The following NKAIN2 variants were observed in gnomAD, a reference collection of about 807,000 sequenced individuals.
NKAIN2 encodes the protein sodium/potassium transporting ATPase interacting 2, also known as sodium/potassium-transporting ATPase subunit beta-1-interacting protein 2.
A neutral mutation model predicts 32.6 loss-of-function variants in NKAIN2; 14 were observed. That is an observed-to-expected ratio of 0.43 (90% CI 0.28 to 0.67). The LOEUF is 0.67. NKAIN2 is among the 30% of genes least tolerant of loss of function. NKAIN2 has a pLI of 0.17. For missense variants in NKAIN2, 198 were observed against 258.3 expected (o/e 0.77, Z 1.60); for synonymous variants, 80 against 87.2 (o/e 0.92, Z 0.46).
intron 3 of NKAIN2, among the ~76,000 whole-genome samples, chr6:124,565,491 AT>A (rs1780875855): frequency 6.6e-6 from 1 of 152,148 alleles, no homozygotes; most frequent in African/African-American, 2.4e-5. Context: ...CTAAATAGCT[AT>A]TTTATCTCAA....
At chr6:124,404,278 G>A (rs1333810578) in intron 3 of NKAIN2, among the ~76,000 whole-genome samples, 2 of 152,094 alleles carry the variant, frequency 1.3e-5, no homozygotes, top group Non-Finnish European at 2.9e-5. Context: ...TCTCGTGGAG[G>A]GGGAGTCGTC....
chr6:124,707,719 C>T (rs1385079684), intron 4 of NKAIN2, among the ~76,000 whole-genome samples: 6 of 151,282 alleles, frequency 4.0e-5, no homozygotes, highest in South Asian at 2.1e-4. Context: ...TTGTTTGAGT[C>T]CATTGTAGAT....
chr6:124,295,378 G>A (rs1796004866), intron 2 of NKAIN2, among the ~76,000 whole-genome samples: 2 of 152,062 alleles, frequency 1.3e-5, no homozygotes, highest in Non-Finnish European at 2.9e-5. Flanking sequence ...GAAGCTCTGT[G>A]AACACGTTGA....
intron 1 of NKAIN2, among the ~76,000 whole-genome samples, chr6:123,879,559 T>C (rs568841562): frequency 6.6e-6 from 1 of 152,286 alleles, no homozygotes; most frequent in Admixed American, 6.5e-5. Flanking sequence ...TCAGGTTCTT[T>C]CTACCTTGTC....
At chr6:124,424,522 G>A (rs1207827790) in intron 3 of NKAIN2, among the ~76,000 whole-genome samples, 1 of 151,982 alleles carries the variant, frequency 6.6e-6, no homozygotes, top group Non-Finnish European at 1.5e-5. Context: ...CTACATAAAT[G>A]AACTTTTATA....
At position 124,807,677 on chromosome 6, in the gene NKAIN2, T is replaced by G. The variant is rs1208702339; in HGVS notation, c.536-10710T>G. Among the ~76,000 whole-genome samples the G allele has an allele frequency of 2.3e-4, 35 of 150,672 alleles. 1 individual carries two copies. In the South Asian group the frequency reaches 7.5e-3, roughly 32 times the overall value. On this transcript the variant is annotated intron_variant, in intron 5 of 6. Transcript: ENST00000368417. ...AAGGAAATAGAGACACAAAAAACCC[T>G]TCAAAAAATTAATGAATCCAGGAGC...
chr6:124,799,223 C>T (rs1005413473), intron 5 of NKAIN2, among the ~76,000 whole-genome samples: 1 of 152,202 alleles, frequency 6.6e-6, no homozygotes, highest in South Asian at 2.1e-4. Flanking sequence ...ACAGCATTCT[C>T]CAACAGTGTT....
intron 3 of NKAIN2, among the ~76,000 whole-genome samples, chr6:124,549,157 G>T (rs925271928): frequency 6.6e-6 from 1 of 152,076 alleles, no homozygotes; most frequent in Non-Finnish European, 1.5e-5. Flanking sequence ...ATGAGGTCAG[G>T]AGTTCAAGGC....
intron 1 of NKAIN2, among the ~76,000 whole-genome samples, chr6:124,255,465 G>A (rs1037583901): frequency 1.5e-4 from 23 of 152,176 alleles, no homozygotes; most frequent in Admixed American, 2.6e-4. Flanking sequence ...AAGATAATAC[G>A]CATGTTAATT....
At chr6:124,058,726 A>G (rs1489876633) in intron 1 of NKAIN2, among the ~76,000 whole-genome samples, 7 of 152,132 alleles carry the variant, frequency 4.6e-5, no homozygotes, top group Non-Finnish European at 7.4e-5. Flanking sequence ...TGAATGGAAG[A>G]AAGAGAAAAA....
At chr6:123,817,952 A>C (rs1010241974) in intron 1 of NKAIN2, among the ~76,000 whole-genome samples, 4 of 152,174 alleles carry the variant, frequency 2.6e-5, no homozygotes, top group Admixed American at 6.5e-5. Flanking sequence ...CCAAGCCTTC[A>C]GTATTCTTGG....
chr6:124,457,974 TTTG>T (rs1457581417), intron 3 of NKAIN2, among the ~76,000 whole-genome samples: 7 of 151,976 alleles, frequency 4.6e-5, no homozygotes, highest in African/African-American at 1.7e-4. Context: ...AAGAGATTGC[TTTG>T]TTATTTTTTA....
At chr6:124,663,515 C>G (rs139254431) in intron 4 of NKAIN2, among the ~76,000 whole-genome samples, 156 of 151,742 alleles carry the variant, frequency 1.0e-3, no homozygotes, top group African/African-American at 3.6e-3. Flanking sequence ...AAAAAATATA[C>G]CCAAAACGCA....
intron 3 of NKAIN2, among the ~76,000 whole-genome samples, chr6:124,378,187 AC>A (rs1800074167): frequency 1.3e-5 from 2 of 152,202 alleles, no homozygotes; most frequent in South Asian, 2.1e-4. Flanking sequence ...TTTGGGCTGC[AC>A]TTTTACTATT....
chr6:124,817,380 C>T (rs1168100237), intron 5 of NKAIN2, among the ~76,000 whole-genome samples: 1 of 152,096 alleles, frequency 6.6e-6, no homozygotes, highest in African/African-American at 2.4e-5. Flanking sequence ...TTATTTCCCA[C>T]ACCTGGATTT....
intron 1 of NKAIN2, among the ~76,000 whole-genome samples, chr6:124,139,338 T>C (rs1787022790): frequency 6.6e-6 from 1 of 151,526 alleles, no homozygotes; most frequent in Non-Finnish European, 1.5e-5. Flanking sequence ...TCCACCCGCC[T>C]CGGCCTCCCA....
intron 3 of NKAIN2, among the ~76,000 whole-genome samples, chr6:124,479,776 G>A (rs1199548242): frequency 4.5e-5 from 6 of 133,334 alleles, no homozygotes; most frequent in Middle Eastern, 3.7e-3. Context: ...AATACTGTTA[G>A]TGTATTTTTT....
intron 1 of NKAIN2, among the ~76,000 whole-genome samples, chr6:123,818,402 G>C (rs985771575): frequency 3.6e-5 from 5 of 140,596 alleles, no homozygotes; most frequent in Admixed American, 1.4e-4. Context: ...CACACACACA[G>C]AGGAATCATA....
At chr6:124,713,641 A>G (rs1583703165) in intron 4 of NKAIN2, among the ~76,000 whole-genome samples, 1 of 151,602 alleles carries the variant, frequency 6.6e-6, no homozygotes, top group South Asian at 2.1e-4. Flanking sequence ...CATTGTGCAT[A>G]AAAAATCAGA....
Sources: gnomAD v4.1 joint callset for allele counts (sites outside exome capture counted in the v4.1 genomes callset) on GRCh38, gnomAD v4.1.1 for gene constraint, MANE v1.5 for transcripts, NCBI Gene and HGNC (gene_info 2026-07-23, HGNC 2026-07-21) for gene names.